GBF1: variants seen among roughly 807,000 people sequenced by gnomAD.
GBF1 encodes the protein Golgi-specific brefeldin A-resistance guanine nucleotide exchange factor 1.
A neutral mutation model predicts 210.5 loss-of-function variants in GBF1; 114 were observed. The ratio of observed to expected loss-of-function variants is 0.54; its 90% CI spans 0.47 to 0.63. The LOEUF (loss-of-function observed/expected upper bound fraction) is 0.63, where lower values mean the gene tolerates loss of function less well. Ranked by LOEUF, GBF1 falls within the 30% of genes least tolerant of loss-of-function variation. GBF1 has a pLI of 0.00. For missense variants in GBF1, 1,851 were observed against 2,357.7 expected, an observed-to-expected ratio of 0.79 and a Z score of 4.45; for synonymous variants, 850 against 889.2, an observed-to-expected ratio of 0.96 and a Z score of 0.78.
intron 33 of GBF1, among the ~76,000 whole-genome samples, chr10:102,378,520 G>A (rs979043627): frequency 2.0e-5 from 3 of 152,030 alleles, no homozygotes; most frequent in Admixed American, 2.0e-4. Context: ...CCAGCTACTG[G>A]GGAGGCTGAG....
At position 102,379,310 on chromosome 10, in the gene GBF1, C is replaced by G; in HGVS notation, c.4521C>G (p.His1507Gln). Reference protein sequence around the residue: ...QDLLDLMHTLHTRAASIYSSW... With the variant: ...QDLLDLMHTLQTRAASIYSSW... The stretch of plus-strand genomic sequence containing the variant: ...TGCTAGACCTGATGCACACCCTGCA[C>G]ACGCGGGCAGCCTCTATCTACAGCT... The change falls in exon 34 of 40, where the codon CAC (histidine) becomes CAG (glutamine). Residue 1507 changes from histidine (H) to glutamine (Q), a missense_variant. His to Gln is a conservative substitution (Grantham distance 24, BLOSUM62 0). Coordinates refer to ENST00000369983, the MANE Select transcript of GBF1 (RefSeq NM_001377137.1). 1 of 1,613,750 alleles carries G rather than the reference C, an allele frequency of 6.2e-7. No individual in the cohort carries two copies. Among genetic ancestry groups the G allele is most frequent in the South Asian group, 1.1e-5 (1 of 91,060 alleles).
chr10:102,305,364 G>A (rs1385094774), intron 3 of GBF1, among the ~76,000 whole-genome samples: 1 of 152,122 alleles, frequency 6.6e-6, no homozygotes, highest in Non-Finnish European at 1.5e-5. Context: ...TGTGATCCCA[G>A]CACTTTGGGA....
intron 3 of GBF1, among the ~76,000 whole-genome samples, chr10:102,323,434 C>T (rs2056613842): frequency 6.6e-6 from 1 of 152,076 alleles, no homozygotes; most frequent in African/African-American, 2.4e-5. Context: ...CTGTAAGGGA[C>T]TACCTTTGGA....
intron 3 of GBF1, among the ~76,000 whole-genome samples, chr10:102,295,571 A>G (rs1044359196): frequency 1.1e-4 from 17 of 152,340 alleles, no homozygotes; most frequent in African/African-American, 4.1e-4. Flanking sequence ...GCTTCAAAAC[A>G]ATATGGGAAT....
the GBF1 span, among the ~76,000 whole-genome samples, chr10:102,236,645 T>C: frequency 2.6e-5 from 4 of 152,158 alleles, no homozygotes; most frequent in Non-Finnish European, 4.4e-5. Flanking sequence ...GGGGAGGCCA[T>C]GGTTTCCAAG....
intron 3 of GBF1, among the ~76,000 whole-genome samples, chr10:102,270,390 G>A (rs1035756645): frequency 2.7e-5 from 4 of 150,926 alleles, no homozygotes; most frequent in African/African-American, 9.8e-5. Context: ...GGTTGGTCTC[G>A]AACTCCCTCG....
At chr10:102,234,998 C>CA in the GBF1 span, among the ~76,000 whole-genome samples, 2 of 152,188 alleles carry the variant, frequency 1.3e-5, no homozygotes, top group African/African-American at 4.8e-5. Flanking sequence ...CACAGGCCCC[C>CA]ACTCAGACAT....
At position 102,363,706 on chromosome 10, in the gene GBF1, C is replaced by T. The variant is rs377474166; in HGVS notation, c.2018-4C>T. 2.4e-4 allele frequency: 378 copies of T among 1,599,312 alleles called. No individual in the cohort carries two copies. The African/African-American group carries it at 4.8e-3, about 20-fold the overall frequency. ...TATTTCCCCCCTCTTCTTCCTACTC[C>T]TAGCTGACAAAAAGTTTGCCCGGAA... On this transcript the variant is annotated splice_polypyrimidine_tract_variant and splice_region_variant and intron_variant, in intron 16 of 39. Coordinates refer to ENST00000369983, the MANE Select transcript of GBF1 (RefSeq NM_001377137.1). The surrounding 1 kb of genome is among the most constrained non-coding windows in gnomAD (Gnocchi z 4.2).
chr10:102,236,273 G>C, the GBF1 span, among the ~76,000 whole-genome samples: 1 of 152,194 alleles, frequency 6.6e-6, no homozygotes, highest in Admixed American at 6.5e-5. Context: ...AGTGGATAGG[G>C]AAGAACAAGC....
intron 3 of GBF1, among the ~76,000 whole-genome samples, chr10:102,304,985 AAAAAAAAG>A (rs1381660430): frequency 2.2e-5 from 1 of 45,650 alleles, no homozygotes; most frequent in African/African-American, 8.8e-5. Flanking sequence ...ACATCTCTTA[AAAAAAAAG>A]AAAGAAAGAA....
At chr10:102,305,608 T>TC (rs932637318) in intron 3 of GBF1, among the ~76,000 whole-genome samples, 2 of 150,004 alleles carry the variant, frequency 1.3e-5, no homozygotes, top group African/African-American at 4.9e-5. Context: ...AGACTCCATC[T>TC]CCAAAAAAAA....
chr10:102,239,726 G>C, the GBF1 span, among the ~76,000 whole-genome samples: 1 of 152,144 alleles, frequency 6.6e-6, no homozygotes, highest in Non-Finnish European at 1.5e-5. Context: ...TCCCCAGCTG[G>C]GCTATCTTGC....
chr10:102,277,849 C>T (rs1307192932), intron 3 of GBF1, among the ~76,000 whole-genome samples: 1 of 149,030 alleles, frequency 6.7e-6, no homozygotes, highest in African/African-American at 2.5e-5. Context: ...TTTTTTTTTT[C>T]CCCTTCAGCC....
In GBF1 at chr10:102,344,076, A is replaced by G. The variant is rs765482587; in HGVS notation, c.189A>G (p.Val63=). Residue 63 remains valine, a synonymous_variant, in exon 4 of 40, where the codon GTA becomes GTG. Transcript: ENST00000369983. ...AACTCTCAGAAATTGAGCCCAATGTATTCCTTCGACCTTTTCTGGAAGTGA... is the reference window on the plus strand; with the variant it reads ...AACTCTCAGAAATTGAGCCCAATGTGTTCCTTCGACCTTTTCTGGAAGTGA... ...ITELSEIEPN[V]FLRPFLEVIR... 38 of 1,612,458 alleles carry G rather than the reference A, an allele frequency of 2.4e-5. No homozygotes were observed. The highest frequency in any genetic ancestry group is 3.1e-5 in the Non-Finnish European group (37 of 1,178,576).
At chr10:102,293,134 C>T (rs1320845516) in intron 3 of GBF1, among the ~76,000 whole-genome samples, 1 of 152,098 alleles carries the variant, frequency 6.6e-6, no homozygotes, top group Admixed American at 6.6e-5. Flanking sequence ...TCTGAAGATG[C>T]ATCAGTGTAC....
At chr10:102,286,929 T>C in intron 3 of GBF1, among the ~76,000 whole-genome samples, 1 of 152,190 alleles carries the variant, frequency 6.6e-6, no homozygotes, top group East Asian at 1.9e-4. Context: ...GGCTGTAGGA[T>C]ATGTAATATA....
At chr10:102,336,690 C>G (rs1357956940) in intron 3 of GBF1, among the ~76,000 whole-genome samples, 2 of 152,166 alleles carry the variant, frequency 1.3e-5, no homozygotes, top group African/African-American at 4.8e-5. Context: ...CATGATTCTA[C>G]CTAGAGCCCT....
chr10:102,375,307 T>C (rs1312142089), intron 29 of GBF1, 52 bp from the exon 30 acceptor site: 2 of 1,027,538 alleles, frequency 1.9e-6, no homozygotes, highest in African/African-American at 1.6e-5. Flanking sequence ...CAGGAAGCTG[T>C]GTGCCCACAC....
intron 1 of GBF1, 56 bp from the exon 2 acceptor site, chr10:102,258,873 G>T (rs925142174): frequency 8.1e-6 from 7 of 861,014 alleles, no homozygotes; most frequent in African/African-American, 5.0e-5. Context: ...TTTAAACTTG[G>T]GTATGCTTTG....
Sources: allele counts gnomAD v4.1 joint callset (sites outside exome capture counted in the v4.1 genomes callset), GRCh38; gene constraint gnomAD v4.1.1; non-coding constraint Gnocchi (gnomAD v3.1); transcripts MANE v1.5; gene names NCBI Gene and HGNC (gene_info 2026-07-23, HGNC 2026-07-21).